The following CYTH2 variants were observed in gnomAD, a reference collection of about 807,000 sequenced individuals.
CYTH2 encodes cytohesin 2, also known as cytohesin-2.
In CYTH2, 24 loss-of-function variants were observed where a neutral mutation model predicts 55.4. The ratio of observed to expected loss-of-function variants is 0.43; its 90% CI spans 0.31 to 0.61. The LOEUF (loss-of-function observed/expected upper bound fraction) is 0.61. Ranked by LOEUF, CYTH2 falls within the 20% of genes least tolerant of loss-of-function variation. CYTH2 has a pLI of 0.08. For missense variants in CYTH2, 378 were observed against 533.5 expected (o/e 0.71, Z 2.87); for synonymous variants, 221 against 209.6 (o/e 1.05, Z -0.47).
At position 48,478,513 on chromosome 19, in the gene CYTH2, G is replaced by C. The variant is rs1328950704; in HGVS notation, c.1033G>C (p.Val345Leu). Residue 345 changes from valine (V) to leucine (L), a missense_variant, in exon 11 of 12, where the codon GTG (valine) becomes CTG (leucine). Physicochemically the swap from Val to Leu is conservative, Grantham distance 32. Coordinates refer to ENST00000452733, the MANE Select transcript of CYTH2 (RefSeq NM_004228.7). Reference protein sequence around the residue: ...KACKTEADGRVVEGNHMVYRI... With the variant: ...KACKTEADGRLVEGNHMVYRI... ...CTGCAAAACTGAGGCGGACGGCCGAGTGGTGGAGGGAAACCACATGGTGTA... is the reference window on the plus strand; with the variant it reads ...CTGCAAAACTGAGGCGGACGGCCGACTGGTGGAGGGAAACCACATGGTGTA... 1 of 1,614,032 alleles carries C rather than the reference G, an allele frequency of 6.2e-7. No individual in the cohort carries two copies. The highest frequency in any genetic ancestry group is 1.3e-5 in the African/African-American group (1 of 74,944).
At chr19:48,470,789 T>A in intron 3 of CYTH2, 120 bp downstream of exon 3, 1 of 1,076,794 alleles carries the variant, frequency 9.3e-7, no homozygotes. Context: ...GACTTGGTCC[T>A]AATCCCTGGA....
chr19:48,469,944 C>T (rs1399987643), intron 1 of CYTH2: 3 of 554,006 alleles, frequency 5.4e-6, no homozygotes, highest in African/African-American at 1.9e-5. Context: ...GTTCCCCCGG[C>T]TGTAGTGACT....
At chr19:48,473,450 C>T (rs1971844772) in intron 5 of CYTH2, 72 bp downstream of exon 5, 2 of 1,492,896 alleles carry the variant, frequency 1.3e-6, no homozygotes, top group Non-Finnish European at 9.3e-7. Context: ...AAGTGACAAA[C>T]CTTACTCAAG....
At chr19:48,471,994 T>G (rs1289852279) in intron 3 of CYTH2, among the ~76,000 whole-genome samples, 3 of 152,214 alleles carry the variant, frequency 2.0e-5, no homozygotes, top group Non-Finnish European at 4.4e-5. Flanking sequence ...AGTTCGAAGC[T>G]GCAATGAGCT....
In CYTH2 at chr19:48,482,111, G is replaced by C. The variant is rs1304093629; in HGVS notation, c.*2901G>C. 6.6e-6 allele frequency: 1 copy of C among 152,252 alleles called. No homozygotes were observed. The highest frequency in any genetic ancestry group is 1.5e-5 in the Non-Finnish European group (1 of 68,088). The allele number at this position is 152,252 out of a possible 1,614,324, so 9.4% of individuals were successfully genotyped here. On this transcript the variant is annotated 3_prime_UTR_variant, in exon 12 of 12. Coordinates refer to ENST00000452733, the MANE Select transcript of CYTH2 (RefSeq NM_004228.7). ...TCCCCCAGAAGCAGCAGCAGCCTCA[G>C]GGATGAGGGAGGTCCTCAGTGAGTG... is the stretch of plus-strand genomic sequence containing the variant.
intron 11 of CYTH2, 67 bp from the exon 12 acceptor site, chr19:48,479,056 A>G (rs1253970446): frequency 1.1e-4 from 159 of 1,470,722 alleles, no homozygotes; most frequent in Admixed American, 3.0e-4. Flanking sequence ...CCTCCTGGGT[A>G]TGAGGGAGGA....
chr19:48,476,000 G>A (rs769986318), intron 8 of CYTH2: 41 of 519,398 alleles, frequency 7.9e-5, no homozygotes, highest in Middle Eastern at 3.2e-4. Context: ...CTCAGTGAAG[G>A]GAGTCAAGGT....
At chr19:48,475,711 G>A (rs1971898956) in intron 8 of CYTH2, 1 of 177,862 alleles carries the variant, frequency 5.6e-6, no homozygotes, top group Non-Finnish European at 1.2e-5. Flanking sequence ...CGAAAACTCC[G>A]GTGGCTGGGC....
chr19:48,478,247 C>G, intron 9 of CYTH2, 28 bp from the exon 10 acceptor site: 1 of 1,612,012 alleles, frequency 6.2e-7, no homozygotes, highest in Non-Finnish European at 8.5e-7. Context: ...ACTTGGAAGT[C>G]TGAGTTCTGT....
In CYTH2 at chr19:48,473,338, C is replaced by T. The variant is rs1971842611; in HGVS notation, c.394C>T (p.Leu132=). The change falls in exon 5 of 12, where the codon CTG becomes TTG. Residue 132 remains leucine, a synonymous_variant. Transcript: ENST00000452733. ...NLAVLHAFVD[L]HEFTDLNLVQ... The stretch of plus-strand genomic sequence containing the variant: ...GGCAGTGCTCCATGCTTTTGTGGAT[C>T]TGCATGAGTTCACCGACCTCAATCT... 1 of 1,614,130 alleles carries T rather than the reference C, an allele frequency of 6.2e-7. No individual in the cohort carries two copies. Among genetic ancestry groups the T allele is most frequent in the South Asian group, 1.1e-5 (1 of 91,082 alleles).
chr19:48,478,471 G>A lies in CYTH2; in HGVS notation c.991G>A (p.Gly331Arg), dbSNP rs765967604. 25 of 1,614,130 alleles carry A rather than the reference G, an allele frequency of 1.5e-5. No individual in the cohort carries two copies. The highest frequency in any genetic ancestry group is 2.1e-5 in the Non-Finnish European group (25 of 1,180,012). ...TGAACTTTACATCCCCAACAACAAG[G>A]GGCAGCTCATCAAAGCCTGCAAAAC... is the stretch of plus-strand genomic sequence containing the variant. ...CFELYIPNNK[G>R]QLIKACKTEA... is the part of the protein sequence containing the mutation. Residue 331 changes from glycine to arginine, a missense_variant, in exon 11 of 12, where the codon GGG (glycine) becomes AGG (arginine). Gly to Arg is a moderately radical substitution (Grantham distance 125, BLOSUM62 -2). Transcript: ENST00000452733.
At position 48,474,834 on chromosome 19, in the gene CYTH2, T is replaced by C; in HGVS notation, c.697-4T>C. ...GAATGGCTAATGCAGCCTTTACTCC[T>C]CAGAACCTGTACGACAGCATCCGAA... On this transcript the variant is annotated splice_polypyrimidine_tract_variant and splice_region_variant and intron_variant, in intron 7 of 11. Coordinates refer to ENST00000452733, the MANE Select transcript of CYTH2 (RefSeq NM_004228.7). This position sits in a 1 kb window ranked among gnomAD's most constrained non-coding sequence, Gnocchi z 4.9. 2 of 1,614,072 alleles carry C rather than the reference T, an allele frequency of 1.2e-6. No homozygotes were observed. The highest frequency in any genetic ancestry group is 2.2e-5 in the South Asian group (2 of 91,074).
At chr19:48,476,012 A>C in intron 8 of CYTH2, 1 of 519,642 alleles carries the variant, frequency 1.9e-6, no homozygotes, top group Admixed American at 1.9e-5. Context: ...AGTCAAGGTC[A>C]GGCTTCTTGG....
Position 48,473,291 on chromosome 19 carries a change from C to T in CYTH2, c.354-7C>T. The T allele has an allele frequency of 1.2e-6, 2 of 1,613,974 alleles. No homozygotes were observed. Among genetic ancestry groups the T allele is most frequent in the Non-Finnish European group, 1.7e-6 (2 of 1,179,916 alleles). On this transcript the variant is annotated splice_region_variant and splice_polypyrimidine_tract_variant and intron_variant, in intron 4 of 11. Transcript: ENST00000452733. ...AAACTGTATGTGTCTTTGTCCCATC[C>T]TTCCAGGGAAGAACTGAACCTGGCA...
intron 11 of CYTH2, 26 bp from the exon 12 acceptor site, chr19:48,479,097 A>G (rs769281292): frequency 1.7e-5 from 27 of 1,612,774 alleles, no homozygotes; most frequent in Non-Finnish European, 2.1e-5. Flanking sequence ...CTTGGCCCTC[A>G]TCCTGGGACC....
At chr19:48,471,130 C>T (rs929880765) in intron 3 of CYTH2, among the ~76,000 whole-genome samples, 5 of 148,562 alleles carry the variant, frequency 3.4e-5, no homozygotes, top group Admixed American at 1.3e-4. Context: ...AGTAGGTGTT[C>T]ACCAGGTGGA....
chr19:48,470,124 C>T, intron 1 of CYTH2: 1 of 730,182 alleles, frequency 1.4e-6, no homozygotes, highest in Non-Finnish European at 2.5e-6. Flanking sequence ...CCTTCTCCCT[C>T]AGACTCAGGA....
intron 3 of CYTH2, among the ~76,000 whole-genome samples, chr19:48,471,125 G>T (rs541635276): frequency 6.7e-6 from 1 of 149,974 alleles, no homozygotes; most frequent in African/African-American, 2.5e-5. Flanking sequence ...GGATGAGTAG[G>T]TGTTCACCAG....
At chr19:48,473,520 C>T in intron 5 of CYTH2, 142 bp downstream of exon 5, 1 of 808,216 alleles carries the variant, frequency 1.2e-6, no homozygotes, top group African/African-American at 1.7e-5. Flanking sequence ...TGTCCTGCAC[C>T]ATAAAAGTTC....
Sources: allele counts gnomAD v4.1 joint callset (sites outside exome capture counted in the v4.1 genomes callset), GRCh38; gene constraint gnomAD v4.1.1; non-coding constraint Gnocchi (gnomAD v3.1); transcripts MANE v1.5; gene names NCBI Gene and HGNC (gene_info 2026-07-23, HGNC 2026-07-21).